KCNJ6: variants seen among roughly 807,000 people sequenced by gnomAD.
KCNJ6 encodes the protein potassium inwardly rectifying channel subfamily J member 6.
Under a neutral mutation model 34.2 loss-of-function variants are expected in KCNJ6, and 9 were observed. The observed-to-expected ratio is 0.26, with a 90% CI of 0.16 to 0.46. KCNJ6 has a LOEUF of 0.46. Among genes scored for constraint, KCNJ6 ranks in the 20% least tolerant of loss-of-function variants. The pLI is 1.00. For missense variants in KCNJ6, 236 were observed against 531.3 expected (o/e 0.44, Z 5.46); for synonymous variants, 196 against 207.1 (o/e 0.95, Z 0.46).
At chr21:37,720,075 T>C (rs1020455855) in intron 2 of KCNJ6, among the ~76,000 whole-genome samples, 1 of 150,368 alleles carries the variant, frequency 6.7e-6, no homozygotes, top group African/African-American at 2.4e-5. Context: ...ATACACCAGA[T>C]GTGAATGTTA....
chr21:37,664,942 C>T (rs1238133635), intron 3 of KCNJ6, among the ~76,000 whole-genome samples: 1 of 151,798 alleles, frequency 6.6e-6, no homozygotes, highest in Non-Finnish European at 1.5e-5. Flanking sequence ...ACTACAGGTG[C>T]CTGCCACCGC....
chr21:37,678,121 G>A (rs1463262812), intron 3 of KCNJ6, among the ~76,000 whole-genome samples: 1 of 152,112 alleles, frequency 6.6e-6, no homozygotes, highest in African/African-American at 2.4e-5. Flanking sequence ...TTGGCGGGTG[G>A]TGGTGTCAGA....
chr21:37,806,690 A>C (rs2055294951), intron 2 of KCNJ6, among the ~76,000 whole-genome samples: 1 of 152,236 alleles, frequency 6.6e-6, no homozygotes, highest in African/African-American at 2.4e-5. Flanking sequence ...TTAACTATAC[A>C]ATCCTGATCT....
At chr21:37,876,478 T>A (rs1028960919) in intron 1 of KCNJ6, among the ~76,000 whole-genome samples, 1 of 152,176 alleles carries the variant, frequency 6.6e-6, no homozygotes, top group African/African-American at 2.4e-5. Context: ...ATCATCATAG[T>A]CATTACTTAT....
intron 2 of KCNJ6, among the ~76,000 whole-genome samples, chr21:37,745,374 T>C (rs906979390): frequency 6.6e-6 from 1 of 152,148 alleles, no homozygotes; most frequent in African/African-American, 2.4e-5. Context: ...CCTCCTCCCT[T>C]GGCCTCCCCA....
chr21:37,758,663 G>C (rs551556422), intron 2 of KCNJ6, among the ~76,000 whole-genome samples: 1 of 152,120 alleles, frequency 6.6e-6, no homozygotes, highest in Admixed American at 6.5e-5. Flanking sequence ...TTTGAGACAG[G>C]GTCTGGCTAT....
At chr21:37,853,861 T>TATATATATACATATATAA (rs940498600) in intron 1 of KCNJ6, among the ~76,000 whole-genome samples, 3 of 146,732 alleles carry the variant, frequency 2.0e-5, no homozygotes, top group African/African-American at 7.4e-5. Flanking sequence ...TATATATATA[T>TATATATATACATATATAA]AAATTACATT....
intron 3 of KCNJ6, among the ~76,000 whole-genome samples, chr21:37,641,218 T>C (rs2054379412): frequency 2.0e-5 from 3 of 152,166 alleles, no homozygotes; most frequent in African/African-American, 4.8e-5. Context: ...CAATTTTATC[T>C]CCATTCCATA....
chr21:37,771,825 C>T (rs1394514618), intron 2 of KCNJ6, among the ~76,000 whole-genome samples: 1 of 152,128 alleles, frequency 6.6e-6, no homozygotes, highest in African/African-American at 2.4e-5. Flanking sequence ...GCAGGAATTT[C>T]TCTGGGCAAA....
intron 2 of KCNJ6, among the ~76,000 whole-genome samples, chr21:37,739,423 G>T (rs998113761): frequency 2.6e-5 from 4 of 152,158 alleles, no homozygotes; most frequent in Admixed American, 2.6e-4. Flanking sequence ...GAAAAGGGCT[G>T]CTTATTAGGG....
chr21:37,766,470 T>C (rs1462174935), intron 2 of KCNJ6, among the ~76,000 whole-genome samples: 2 of 152,166 alleles, frequency 1.3e-5, no homozygotes, highest in South Asian at 2.1e-4. Flanking sequence ...TTAGATCCCA[T>C]TGTAGCCCAT....
intron 1 of KCNJ6, among the ~76,000 whole-genome samples, chr21:37,906,543 C>T (rs115334468): frequency 0.016 from 2,504 of 152,270 alleles, 75 homozygotes; most frequent in African/African-American, 0.057. Flanking sequence ...TCCAGTAGAT[C>T]GGGGGGTGAG....
intron 2 of KCNJ6, among the ~76,000 whole-genome samples, chr21:37,769,914 T>C (rs1163862739): frequency 6.6e-6 from 1 of 152,152 alleles, no homozygotes; most frequent in Admixed American, 6.5e-5. Flanking sequence ...AGAGAAAGCA[T>C]CTTGGAAGTG....
intron 2 of KCNJ6, among the ~76,000 whole-genome samples, chr21:37,777,726 A>C (rs1211354968): frequency 6.6e-6 from 1 of 152,208 alleles, no homozygotes; most frequent in East Asian, 1.9e-4. Context: ...GTCATATAAC[A>C]CAAGTCTTGC....
intron 1 of KCNJ6, among the ~76,000 whole-genome samples, chr21:37,841,425 A>G (rs971568321): frequency 6.6e-6 from 1 of 152,208 alleles, no homozygotes; most frequent in African/African-American, 2.4e-5. Context: ...TTCCTAACAT[A>G]TGTAGTAACT....
At chr21:37,692,366 A>G (rs2054643946) in intron 3 of KCNJ6, among the ~76,000 whole-genome samples, 1 of 152,034 alleles carries the variant, frequency 6.6e-6, no homozygotes, top group Admixed American at 6.6e-5. Context: ...GAGCAGCATT[A>G]GGGGTGTGAA....
intron 2 of KCNJ6, among the ~76,000 whole-genome samples, chr21:37,804,661 G>C (rs2055285066): frequency 6.6e-6 from 1 of 152,162 alleles, no homozygotes; most frequent in Admixed American, 6.5e-5. Flanking sequence ...TTATAAGTGA[G>C]AACATGCGGT....
At chr21:37,831,217 G>A (rs570566158) in intron 2 of KCNJ6, among the ~76,000 whole-genome samples, 7 of 152,292 alleles carry the variant, frequency 4.6e-5, no homozygotes, top group South Asian at 2.1e-4. Flanking sequence ...AAGGACAAAC[G>A]TATCTCACAG....
At chr21:37,833,014 TTTC>T (rs150694919) in intron 2 of KCNJ6, among the ~76,000 whole-genome samples, 83,787 of 137,964 alleles carry the variant, frequency 0.61, 24,180 homozygotes, top group South Asian at 0.77. Context: ...CGGCATTTCT[TTTC>T]TTTTCTTTTT....
Sources: gnomAD v4.1 joint callset for allele counts (sites outside exome capture counted in the v4.1 genomes callset) on GRCh38, gnomAD v4.1.1 for gene constraint, MANE v1.5 for transcripts, NCBI Gene and HGNC (gene_info 2026-07-23, HGNC 2026-07-21) for gene names.